USP45: variants seen among roughly 807,000 people sequenced by gnomAD.
USP45 encodes ubiquitin specific peptidase 45.
A neutral mutation model predicts 95.8 loss-of-function variants in USP45; 89 were observed. The ratio of observed to expected loss-of-function variants is 0.93; its 90% CI spans 0.78 to 1.11. The LOEUF (loss-of-function observed/expected upper bound fraction) is 1.11. Among genes scored for constraint, USP45 ranks in the 50% least tolerant of loss-of-function variants. The pLI is 0.00. For missense variants in USP45, 898 were observed against 942.5 expected (o/e 0.95, Z 0.62); for synonymous variants, 281 against 316.2 (o/e 0.89, Z 1.18).
At chr6:99,462,097 C>T (rs1243195362) in intron 13 of USP45, 3 of 985,024 alleles carry the variant, frequency 3.0e-6, no homozygotes, top group Non-Finnish European at 3.6e-6. Flanking sequence ...CGTATGCAAA[C>T]TTGCACTTTT....
intron 13 of USP45, among the ~76,000 whole-genome samples, chr6:99,449,234 A>G (rs1295710648): frequency 1.3e-5 from 2 of 151,990 alleles, no homozygotes; most frequent in Non-Finnish European, 2.9e-5. Context: ...AAAACTGCAT[A>G]AAGAGTCAAG....
At chr6:99,457,263 G>C (rs949188074) in intron 13 of USP45, among the ~76,000 whole-genome samples, 1 of 152,156 alleles carries the variant, frequency 6.6e-6, no homozygotes, top group African/African-American at 2.4e-5. Context: ...CTTGATGTCT[G>C]TGACCCACAC....
chr6:99,475,337 TACAGCGTTTC>T lies in USP45; in HGVS notation c.933+796_933+805del, dbSNP rs1483993601. ...GATTCCTTTTTTTTTTTTTTTTTTT[TACAGCGTTTC>T]ACTCCGTCACCCAGGCTGGAGTGCA... On this transcript the variant is annotated intron_variant, in intron 9 of 17. Coordinates refer to ENST00000500704, the MANE Select transcript of USP45 (RefSeq NM_001346022.3). Among the ~76,000 whole-genome samples, 3 of 97,176 alleles carry T rather than the reference TACAGCGTTTC, an allele frequency of 3.1e-5. No individual in the cohort carries two copies. In the East Asian group the frequency reaches 9.3e-4, roughly 30 times the overall value. The allele number at this position is 97,176 out of a possible 152,430, so 63.8% of individuals were successfully genotyped here.
chr6:99,460,927 G>T (rs1159979624), intron 13 of USP45: 73 of 977,650 alleles, frequency 7.5e-5, no homozygotes, highest in East Asian at 1.1e-4. Flanking sequence ...CAACAGATGG[G>T]ATGTATAGAA....
At chr6:99,484,004 G>GTTTTTTTTTTTTTTTTT (rs773687208) in intron 7 of USP45, among the ~76,000 whole-genome samples, 1 of 91,464 alleles carries the variant, frequency 1.1e-5, no homozygotes, top group African/African-American at 4.6e-5. Flanking sequence ...ATTTTCCATA[G>GTTTTTTTTTTTTTTTTT]TTTTTTTTTT....
Position 99,446,219 on chromosome 6 carries a change from C to G in USP45, c.1553G>C (p.Gly518Ala). Reference protein sequence around the residue: ...SESESASKQTGLFRSSSGSGV... With the variant: ...SESESASKQTALFRSSSGSGV... ...GGATCCACTACTGGATCTGAACAGCCCAGTCTGCTTTGAAGCACTTTCAGA... is the reference window on the plus strand; with the variant it reads ...GGATCCACTACTGGATCTGAACAGCGCAGTCTGCTTTGAAGCACTTTCAGA... Residue 518 changes from glycine (G) to alanine (A), a missense_variant, in exon 14 of 18, where the codon GGG (glycine) becomes GCG (alanine). By Grantham distance (60) the Gly-to-Ala change is moderately conservative. Coordinates refer to ENST00000500704, the MANE Select transcript of USP45 (RefSeq NM_001346022.3). 6.2e-7 allele frequency: 1 copy of G among 1,614,150 alleles called. No homozygotes were observed. The highest frequency in any genetic ancestry group is 8.5e-7 in the Non-Finnish European group (1 of 1,180,026).
At chr6:99,488,611 C>T in intron 6 of USP45, 70 bp downstream of exon 6, 1 of 1,463,372 alleles carries the variant, frequency 6.8e-7, no homozygotes, top group Non-Finnish European at 9.3e-7. Context: ...TGACAGTCTA[C>T]AGGTGAGCCA....
intron 5 of USP45, among the ~76,000 whole-genome samples, chr6:99,490,816 G>C (rs1795007426): frequency 6.6e-6 from 1 of 151,850 alleles, no homozygotes. Flanking sequence ...GAGTGGCCCT[G>C]TTCTAAGGAG....
rs552705326 is a variant in USP45 at position 99,469,737 on chromosome 6, C to A, written c.934-1119G>T. On this transcript the variant is annotated intron_variant, in intron 9 of 17. Transcript: ENST00000500704. ...AGCTCAAGCAAGCCACCTGCCTCAG[C>A]CTCCCAAAGTGCTGGAATTACAGGC... 3.3e-5 allele frequency among the ~76,000 whole-genome samples: 5 copies of A among 151,838 alleles called. No individual in the cohort carries two copies. In the East Asian group the frequency reaches 9.7e-4, roughly 29 times the overall value.
At chr6:99,504,172 G>A (rs1219083938) in intron 4 of USP45, among the ~76,000 whole-genome samples, 1 of 152,094 alleles carries the variant, frequency 6.6e-6, no homozygotes, top group East Asian at 1.9e-4. Context: ...ACAGAGTCTC[G>A]CTCTGTTTCC....
In USP45 at chr6:99,445,831, G is replaced by C. The variant is rs369134357; in HGVS notation, c.1941C>G (p.Asn647Lys). Reference protein sequence around the residue: ...NKLLCENCTKNKQKYQEETSF... With the variant: ...NKLLCENCTKKKQKYQEETSF... ...TGGTTTCTTCTTGGTACTTCTGTTT[G>C]TTTTTAGTACAATTCTCACATAGAA... Residue 647 changes from asparagine to lysine, a missense_variant, in exon 14 of 18, where the codon AAC (asparagine) becomes AAG (lysine). Physicochemically the swap from Asn to Lys is moderately conservative, Grantham distance 94 (BLOSUM62 0). Transcript: ENST00000500704. The C allele has an allele frequency of 1.3e-6, 2 of 1,586,520 alleles. No homozygotes were observed. Among genetic ancestry groups the C allele is most frequent in the African/African-American group, 2.7e-5 (2 of 73,296 alleles).
At chr6:99,448,312 C>A (rs1783004005) in intron 13 of USP45, among the ~76,000 whole-genome samples, 2 of 152,210 alleles carry the variant, frequency 1.3e-5, no homozygotes, top group South Asian at 4.1e-4. Context: ...AGACAAAGGG[C>A]TGACTAGAAT....
At chr6:99,442,501 CCTT>C (rs1463149191) in intron 15 of USP45, among the ~76,000 whole-genome samples, 2 of 152,156 alleles carry the variant, frequency 1.3e-5, no homozygotes, top group Non-Finnish European at 2.9e-5. Context: ...CTTGAGATTT[CCTT>C]CTTAAGGTTT....
intron 13 of USP45, among the ~76,000 whole-genome samples, chr6:99,453,804 C>T (rs1315385917): frequency 6.6e-6 from 1 of 151,842 alleles, no homozygotes; most frequent in Non-Finnish European, 1.5e-5. Flanking sequence ...ACTAAAAATA[C>T]AAAAAATTAG....
chr6:99,462,217 T>C (rs968508823), intron 13 of USP45: 1 of 979,210 alleles, frequency 1.0e-6, no homozygotes, highest in Non-Finnish European at 1.2e-6. Context: ...AAATTTTCAA[T>C]AAAGAGTAGG....
intron 8 of USP45, among the ~76,000 whole-genome samples, chr6:99,479,264 G>A (rs888896332): frequency 6.6e-6 from 1 of 151,964 alleles, no homozygotes; most frequent in Non-Finnish European, 1.5e-5. Context: ...TGACAGGAGT[G>A]CAATGACATT....
At chr6:99,504,506 A>G (rs185027342) in intron 4 of USP45, among the ~76,000 whole-genome samples, 29 of 152,350 alleles carry the variant, frequency 1.9e-4, no homozygotes, top group Admixed American at 1.8e-3. Flanking sequence ...ATTGGAGGGC[A>G]TTAGGAAGAG....
chr6:99,512,077 C>T (rs77470513), intron 1 of USP45, among the ~76,000 whole-genome samples: 6,483 of 151,934 alleles, frequency 0.043, 259 homozygotes, highest in East Asian at 0.21. Flanking sequence ...CCTAAATTGT[C>T]TTCTATAGCT....
At chr6:99,517,742 T>A (rs1001870056), upstream of USP45, among the ~76,000 whole-genome samples, 1 of 151,574 alleles carries the variant, frequency 6.6e-6, no homozygotes, top group Non-Finnish European at 1.5e-5. Context: ...CGAGCCCAGC[T>A]CCTTTTTATC....
Sources: gnomAD v4.1 joint callset for allele counts (sites outside exome capture counted in the v4.1 genomes callset) on GRCh38, gnomAD v4.1.1 for gene constraint, MANE v1.5 for transcripts, NCBI Gene and HGNC (gene_info 2026-07-23, HGNC 2026-07-21) for gene names.